MYT1L: variants seen among roughly 807,000 people sequenced by gnomAD.
The protein encoded by MYT1L is myelin transcription factor 1-like protein.
MYT1L carries 12 observed loss-of-function variants against 126.7 expected under a neutral mutation model. The ratio of observed to expected loss-of-function variants is 0.09; its 90% confidence interval spans 0.06 to 0.15. The LOEUF (loss-of-function observed/expected upper bound fraction) is 0.15, where lower values mean the gene tolerates loss of function less well. Among genes scored for constraint, MYT1L ranks in the 10% least tolerant of loss-of-function variants. The pLI is 1.00. For missense variants in MYT1L, 979 were observed against 1,585.2 expected (o/e 0.62, Z 6.49); for synonymous variants, 541 against 604.2 (o/e 0.90, Z 1.53).
At chr2:1,815,810 T>G (rs2037534774) in intron 21 of MYT1L, among the ~76,000 whole-genome samples, 1 of 152,240 alleles carries the variant, frequency 6.6e-6, no homozygotes, top group African/African-American at 2.4e-5. Context: ...TAGTTTAGAA[T>G]TATTTTTTGT....
intron 1 of MYT1L, among the ~76,000 whole-genome samples, chr2:2,290,582 C>T (rs1393830474): frequency 6.6e-6 from 1 of 152,200 alleles, no homozygotes; most frequent in Non-Finnish European, 1.5e-5. Context: ...AGTTTAAGAA[C>T]TACAGGTTAA....
At chr2:1,936,078 A>G (rs4853819) in intron 9 of MYT1L, among the ~76,000 whole-genome samples, 18,963 of 152,172 alleles carry the variant, frequency 0.12, 1,225 homozygotes, top group East Asian at 0.27. Flanking sequence ...ATGTGCCACC[A>G]CACCCGGCTA....
intron 5 of MYT1L, among the ~76,000 whole-genome samples, chr2:1,991,304 A>G (rs1314674508): frequency 6.6e-6 from 1 of 151,906 alleles, no homozygotes; most frequent in Non-Finnish European, 1.5e-5. Context: ...GTCTCGCTGT[A>G]TCTTTTTCTT....
chr2:2,309,559 C>T (rs1420863416), intron 1 of MYT1L, among the ~76,000 whole-genome samples: 1 of 151,612 alleles, frequency 6.6e-6, no homozygotes, highest in East Asian at 1.9e-4. Context: ...TATACTCTAC[C>T]CACACTTCAG....
At chr2:1,924,091 T>A (rs2053916227) in intron 9 of MYT1L, among the ~76,000 whole-genome samples, 1 of 152,162 alleles carries the variant, frequency 6.6e-6, no homozygotes, top group Admixed American at 6.6e-5. Context: ...CATTCCTCCA[T>A]CTCACAGCCT....
chr2:1,981,954 C>T (rs2060644873), intron 5 of MYT1L, among the ~76,000 whole-genome samples: 1 of 152,190 alleles, frequency 6.6e-6, no homozygotes, highest in African/African-American at 2.4e-5. Flanking sequence ...CACAATGGCT[C>T]ATCAGGCAGC....
chr2:2,207,164 C>T (rs1320921259), intron 2 of MYT1L, among the ~76,000 whole-genome samples: 3 of 152,160 alleles, frequency 2.0e-5, no homozygotes, highest in Non-Finnish European at 2.9e-5. Flanking sequence ...TTCTCTTTCC[C>T]CCAGGTACAA....
intron 3 of MYT1L, among the ~76,000 whole-genome samples, chr2:2,141,206 A>G (rs1192728067): frequency 1.3e-5 from 2 of 152,216 alleles, no homozygotes; most frequent in Non-Finnish European, 2.9e-5. Context: ...TAACGTACAC[A>G]CAGGCATGCA....
intron 2 of MYT1L, among the ~76,000 whole-genome samples, chr2:2,180,572 ACCTGTGTGTG>A (rs1298845544): frequency 1.3e-5 from 2 of 148,492 alleles, no homozygotes; most frequent in African/African-American, 5.0e-5. Flanking sequence ...CCGTGTGTGT[ACCTGTGTGTG>A]CGCCTATGTG....
At chr2:2,170,942 G>A (rs142190287) in intron 3 of MYT1L, among the ~76,000 whole-genome samples, 19 of 152,298 alleles carry the variant, frequency 1.2e-4, no homozygotes, top group East Asian at 3.9e-4. Flanking sequence ...AAAGATCGAC[G>A]TGAAATGCAA....
chr2:2,264,682 A>C (rs1048681678), intron 2 of MYT1L, among the ~76,000 whole-genome samples: 1 of 152,134 alleles, frequency 6.6e-6, no homozygotes, highest in South Asian at 2.1e-4. Flanking sequence ...GTCCCAGCAC[A>C]GCACAGTGCA....
intron 3 of MYT1L, among the ~76,000 whole-genome samples, chr2:2,097,611 C>T (rs1469374303): frequency 2.0e-5 from 3 of 152,088 alleles, no homozygotes; most frequent in East Asian, 1.9e-4. Flanking sequence ...CCCAAATAAG[C>T]GATGGAGATG....
At chr2:2,014,511 G>A (rs1463397988) in intron 4 of MYT1L, among the ~76,000 whole-genome samples, 1 of 152,168 alleles carries the variant, frequency 6.6e-6, no homozygotes, top group Non-Finnish European at 1.5e-5. Context: ...CTGCATGGAA[G>A]GTGAGGAGGT....
At chr2:1,862,114 G>T (rs1165192852) in intron 18 of MYT1L, among the ~76,000 whole-genome samples, 1 of 152,000 alleles carries the variant, frequency 6.6e-6, no homozygotes, top group Non-Finnish European at 1.5e-5. Context: ...ACTTTTTTGG[G>T]GTTTATTTTC....
intron 3 of MYT1L, among the ~76,000 whole-genome samples, chr2:2,058,344 T>C (rs2069898593): frequency 1.3e-5 from 2 of 152,266 alleles, no homozygotes; most frequent in Admixed American, 1.3e-4. Context: ...ATATTTGATT[T>C]CTAAGTATTT....
chr2:1,993,051 C>G (rs1366877358), intron 5 of MYT1L, among the ~76,000 whole-genome samples: 2 of 152,208 alleles, frequency 1.3e-5, no homozygotes, highest in African/African-American at 4.8e-5. Context: ...GCACTCCTGG[C>G]TCACTGGCTT....
rs2035709547 is a variant in MYT1L at position 1,806,306 on chromosome 2, C to G, written c.3172+2770G>C. On this transcript the variant is annotated intron_variant, in intron 22 of 24. Coordinates refer to ENST00000647738, the MANE Select transcript of MYT1L (RefSeq NM_001303052.2). The surrounding 1 kb of genome is among the most constrained non-coding windows in gnomAD (Gnocchi z 4.9). ...TGACCTGCAGCTCCTCTTTTTTACC[C>G]ATGGACGTGCGTGCATTAGGATCTG... 6.6e-6 allele frequency among the ~76,000 whole-genome samples: 1 copy of G among 152,212 alleles called. No individual in the cohort carries two copies. Among genetic ancestry groups the G allele is most frequent in the Non-Finnish European group, 1.5e-5 (1 of 68,040 alleles).
At chr2:1,864,618 A>T (rs1019114985) in intron 18 of MYT1L, among the ~76,000 whole-genome samples, 1 of 152,128 alleles carries the variant, frequency 6.6e-6, no homozygotes, top group African/African-American at 2.4e-5. Context: ...GTGTTCAGGC[A>T]TCTCGTTTAT....
intron 4 of MYT1L, among the ~76,000 whole-genome samples, chr2:2,039,597 A>G (rs1343939507): frequency 1.3e-5 from 2 of 152,194 alleles, no homozygotes; most frequent in Admixed American, 6.5e-5. Flanking sequence ...ATAGACGATA[A>G]AGAATGGATA....
Sources: gnomAD v4.1 joint callset for allele counts (sites outside exome capture counted in the v4.1 genomes callset) on GRCh38, gnomAD v4.1.1 for gene constraint, Gnocchi (gnomAD v3.1) non-coding constraint, MANE v1.5 for transcripts, NCBI Gene and HGNC (gene_info 2026-07-23, HGNC 2026-07-21) for gene names.